The following MTMR4 variants were observed in gnomAD, a reference collection of about 807,000 sequenced individuals.
MTMR4 encodes phosphatidylinositol-3,5-bisphosphate 3-phosphatase MTMR4.
Under a neutral mutation model 125.5 loss-of-function variants are expected in MTMR4, and 30 were observed. The observed-to-expected ratio is 0.24, with a 90% CI of 0.18 to 0.32. The LOEUF is 0.32. MTMR4 is among the 10% of genes least tolerant of loss of function. The probability of loss-of-function intolerance (pLI) is 1.00; values close to 1 mark genes in which losing one functional copy is unlikely to be tolerated. For missense variants in MTMR4, 1,039 were observed against 1,511.5 expected, an observed-to-expected ratio of 0.69 and a Z score of 5.18; for synonymous variants, 498 against 564.5, an observed-to-expected ratio of 0.88 and a Z score of 1.67.
Position 58,506,743 on chromosome 17 carries a change from C to G in MTMR4, c.1033G>C (p.Glu345Gln). The G allele has an allele frequency of 6.2e-7, 1 of 1,613,776 alleles. No homozygotes were observed. The highest frequency in any genetic ancestry group is 8.5e-7 in the Non-Finnish European group (1 of 1,179,938). The change falls in exon 9 of 18, where the codon GAG becomes CAG. Residue 345 changes from glutamate (E) to glutamine (Q), a missense_variant and splice_region_variant. Physicochemically the swap from Glu to Gln is conservative, Grantham distance 29 (BLOSUM62 2). Transcript: ENST00000682306. ...GCAGACACTGGGATAACAGCAATAC[C>G]TTCACATTCACAGCCTCCACCCTTG... is the stretch of plus-strand genomic sequence containing the variant. ...RAKGGGCECE[E>Q]YYPNCEVVFM...
Position 58,514,430 on chromosome 17 carries a change from C to T in MTMR4, c.-23G>A, listed in dbSNP as rs1976028042. ...CATGGTCGCGGGCGGTCTGGGCCAGCGCACATGTCCCCGGAGCCGCTGCGC... is the reference window on the plus strand; with the variant it reads ...CATGGTCGCGGGCGGTCTGGGCCAGTGCACATGTCCCCGGAGCCGCTGCGC... On this transcript the variant is annotated 5_prime_UTR_variant, in exon 1 of 18. Coordinates refer to ENST00000682306, the MANE Select transcript of MTMR4 (RefSeq NM_001378067.1). The T allele has an allele frequency of 1.0e-6, 1 of 985,726 alleles. No homozygotes were observed. Among genetic ancestry groups the T allele is most frequent in the Non-Finnish European group, 1.2e-6 (1 of 829,900 alleles). The allele number at this position is 985,726 out of a possible 1,614,324, so 61.1% of individuals were successfully genotyped here.
chr17:58,492,738 C>A, intron 16 of MTMR4, 104 bp downstream of exon 16: 1 of 1,356,638 alleles, frequency 7.4e-7, no homozygotes, highest in Admixed American at 1.7e-5. Flanking sequence ...CAGGCTGACA[C>A]TCCTCTGGGG....
chr17:58,505,627 G>T, intron 9 of MTMR4, 44 bp from the exon 10 acceptor site: 1 of 1,465,258 alleles, frequency 6.8e-7, no homozygotes, highest in Non-Finnish European at 9.5e-7. Context: ...CACGTCCTAG[G>T]CCGGGCGCGG....
intron 4 of MTMR4, 86 bp downstream of exon 4, chr17:58,511,343 C>A: frequency 8.4e-7 from 1 of 1,190,372 alleles, no homozygotes; most frequent in Non-Finnish European, 1.2e-6. Flanking sequence ...AGGATCTTTC[C>A]TCTCTTGCAC....
chr17:58,510,734 C>T (rs933007231), intron 4 of MTMR4: 1 of 152,064 alleles, frequency 6.6e-6, no homozygotes, highest in African/African-American at 2.4e-5. Context: ...CATCACCACA[C>T]CTGGCTAATT....
Position 58,507,143 on chromosome 17 carries a change from T to C in MTMR4, c.884A>G (p.Glu295Gly). Residue 295 changes from glutamate (E) to glycine (G), a missense_variant, in exon 8 of 18, where the codon GAG (glutamate) becomes GGG (glycine). Glu to Gly is a moderately conservative substitution (Grantham distance 98). This residue lies in a region of MTMR4 where 49 missense variants were observed against 68.4 expected (regional missense o/e 0.72). Transcript: ENST00000682306. Reference protein sequence around the residue: ...SLSTGNNDTSEACDADFDSSL... With the variant: ...SLSTGNNDTSGACDADFDSSL... ...CTTACCAAAGTCAGCATCACACGCC[T>C]CGCTGGTATCATTATTCCCGGTGCT... 1 of 1,614,124 alleles carries C rather than the reference T, an allele frequency of 6.2e-7. No homozygotes were observed.
At chr17:58,502,161 T>C (rs1176194637) in intron 14 of MTMR4, among the ~76,000 whole-genome samples, 7 of 149,636 alleles carry the variant, frequency 4.7e-5, no homozygotes, top group Middle Eastern at 3.4e-3. Flanking sequence ...TTTACAATTT[T>C]TTTTTTTTTT....
At position 58,508,630 on chromosome 17, in the gene MTMR4, G is replaced by A. The variant is rs753750529; in HGVS notation, c.496+51C>T. The A allele has an allele frequency of 7.7e-5, 124 of 1,613,802 alleles. No homozygotes were observed. Among genetic ancestry groups the A allele is most frequent in the Non-Finnish European group, 1.0e-4 (122 of 1,179,774 alleles). ...CAATGTGCAGGAGTGGAGGAGGGAT[G>A]AGAACTAAGGGGTAAGAAGCAGCCT... On this transcript the variant is annotated intron_variant, in intron 5 of 17. Coordinates refer to ENST00000682306, the MANE Select transcript of MTMR4 (RefSeq NM_001378067.1). This position sits in a 1 kb window ranked among gnomAD's most constrained non-coding sequence, Gnocchi z 4.8.
Position 58,504,652 on chromosome 17 carries a change from G to A in MTMR4, c.1341+127C>T. On this transcript the variant is annotated intron_variant, in intron 11 of 17. Coordinates refer to ENST00000682306, the MANE Select transcript of MTMR4 (RefSeq NM_001378067.1). This position sits in a 1 kb window ranked among gnomAD's most constrained non-coding sequence, Gnocchi z 7.1. ...CAATTTTCCAAGCCTTTGGGAGTTG[G>A]AAAAAAAAAGAAAAAAAGAGCCACC... The A allele has an allele frequency of 3.0e-6, 4 of 1,322,414 alleles. No homozygotes were observed. Among genetic ancestry groups the A allele is most frequent in the Non-Finnish European group, 4.1e-6 (4 of 968,382 alleles). The allele number at this position is 1,322,414 out of a possible 1,614,324, so 81.9% of individuals were successfully genotyped here.
Position 58,504,108 on chromosome 17 carries a change from A to G in MTMR4, c.1640T>C (p.Leu547Pro). 6.3e-7 allele frequency: 1 copy of G among 1,597,512 alleles called. No individual in the cohort carries two copies. The highest frequency in any genetic ancestry group is 8.5e-7 in the Non-Finnish European group (1 of 1,173,308). ...IYKRTCSVWALLRAGNKNFHN... is the reference protein window; with the variant it reads ...IYKRTCSVWAPLRAGNKNFHN... ...AAAGTTTTTATTGCCAGCTCGAAGG[A>G]GCGCCCACACAGAGCAGGTCCGCTT... Residue 547 changes from leucine (L) to proline (P), a missense_variant, in exon 13 of 18, where the codon CTC becomes CCC. Transcript: ENST00000682306. The surrounding 1 kb of genome is among the most constrained non-coding windows in gnomAD (Gnocchi z 7.1).
Position 58,514,574 on chromosome 17 carries a change from T to A in MTMR4, c.-167A>T, listed in dbSNP as rs1976033469. On this transcript the variant is annotated 5_prime_UTR_variant, in exon 1 of 18. Coordinates refer to ENST00000682306, the MANE Select transcript of MTMR4 (RefSeq NM_001378067.1). ...CCTCCGCGCGGCTCCCGCGCGCCTC[T>A]CCCCTCCTCTCCACAATGGAGCGGG... The A allele has an allele frequency of 1.0e-6, 1 of 984,802 alleles. No individual in the cohort carries two copies. Among genetic ancestry groups the A allele is most frequent in the Admixed American group, 6.2e-5 (1 of 16,220 alleles). 61.0% of individuals were successfully genotyped at this position (984,802 alleles called of 1,614,324 possible). A position where few individuals can be genotyped will look rare whatever the true frequency, so the allele number is the denominator to read the frequency against.
At position 58,503,820 on chromosome 17, in the gene MTMR4, G is replaced by A; in HGVS notation, c.1777C>T (p.Leu593Phe). ...TAAAGATCCATGTTTTCTTCCCCAA[G>A]TGTGCATGGAGATGATGCTGGCAGA... ...VYLPASSPCT[L>F]GEENMDLYLS... The change falls in exon 14 of 18, where the codon CTT becomes TTT. Residue 593 changes from leucine to phenylalanine, a missense_variant. Transcript: ENST00000682306. 1 of 1,614,204 alleles carries A rather than the reference G, an allele frequency of 6.2e-7. No homozygotes were observed. The highest frequency in any genetic ancestry group is 8.5e-7 in the Non-Finnish European group (1 of 1,180,032).
chr17:58,511,593 A>G, intron 3 of MTMR4, 82 bp from the exon 4 acceptor site: 1 of 1,175,612 alleles, frequency 8.5e-7, no homozygotes, highest in Non-Finnish European at 1.2e-6. Flanking sequence ...GCACTAATGT[A>G]TCAATAGCAG....
At chr17:58,514,988 C>A (rs576721040), upstream of MTMR4, 5 of 985,006 alleles carry the variant, frequency 5.1e-6, no homozygotes, top group East Asian at 3.4e-4. Flanking sequence ...AAACCACTAC[C>A]CACCATGCCC....
At chr17:58,492,446 G>C in intron 17 of MTMR4, 65 bp downstream of exon 17, 2 of 1,424,372 alleles carry the variant, frequency 1.4e-6, no homozygotes, top group Non-Finnish European at 2.0e-6. Context: ...TGGCATTACA[G>C]GTGTGAGCCA....
Position 58,512,992 on chromosome 17 carries a change from G to T in MTMR4, c.46-51C>A. 1 of 1,308,140 alleles carries T rather than the reference G, an allele frequency of 7.6e-7. No homozygotes were observed. The highest frequency in any genetic ancestry group is 1.1e-6 in the Non-Finnish European group (1 of 908,658). 81.0% of individuals were successfully genotyped at this position (1,308,140 alleles called of 1,614,324 possible). ...CACCAAGCTCCACTTAGCCCATCAG[G>T]CTCATTCTGCTCCTCTCCCCACCAA... is the stretch of plus-strand genomic sequence containing the variant. On this transcript the variant is annotated intron_variant, in intron 1 of 17. Coordinates refer to ENST00000682306, the MANE Select transcript of MTMR4 (RefSeq NM_001378067.1). This position sits in a 1 kb window ranked among gnomAD's most constrained non-coding sequence, Gnocchi z 4.1.
chr17:58,513,155 A>G (rs975610523), intron 1 of MTMR4, among the ~76,000 whole-genome samples: 1 of 152,182 alleles, frequency 6.6e-6, no homozygotes, highest in African/African-American at 2.4e-5. Context: ...GGAAAGAGTG[A>G]GGCCCCAGGA....
In MTMR4 at chr17:58,508,243, C is replaced by T; in HGVS notation, c.625G>A (p.Val209Ile). The change falls in exon 7 of 18, where the codon GTT becomes ATT. Residue 209 changes from valine (V) to isoleucine (I), a missense_variant. Physicochemically the swap from Val to Ile is conservative, Grantham distance 29. Coordinates refer to ENST00000682306, the MANE Select transcript of MTMR4 (RefSeq NM_001378067.1). The surrounding 1 kb of genome is among the most constrained non-coding windows in gnomAD (Gnocchi z 4.8). The stretch of plus-strand genomic sequence containing the variant: ...TCTTTGTCAGTGATCCACACAGGAA[C>T]CAGCAGCTTCTGGGGGTAACTGGGG... The part of the protein sequence containing the change: ...LCPSYPQKLL[V>I]PVWITDKELE... 2 of 1,614,064 alleles carry T rather than the reference C, an allele frequency of 1.2e-6. No individual in the cohort carries two copies. The highest frequency in any genetic ancestry group is 1.7e-6 in the Non-Finnish European group (2 of 1,180,022).
chr17:58,502,289 A>T (rs1299393461), intron 14 of MTMR4, among the ~76,000 whole-genome samples: 1 of 150,934 alleles, frequency 6.6e-6, no homozygotes, highest in Non-Finnish European at 1.5e-5. Flanking sequence ...TCCTGAGTAG[A>T]TGGGATTACA....
Sources: allele counts gnomAD v4.1 joint callset (sites outside exome capture counted in the v4.1 genomes callset), GRCh38; gene constraint gnomAD v4.1.1; regional missense constraint gnomAD v4.1.1; non-coding constraint Gnocchi (gnomAD v3.1); transcripts MANE v1.5; gene names NCBI Gene and HGNC (gene_info 2026-07-23, HGNC 2026-07-21).